The following SRMS variants were observed in gnomAD, a reference collection of about 807,000 sequenced individuals.
SRMS encodes the protein src-related kinase lacking C-terminal regulatory tyrosine and N-terminal myristylation sites, also known as tyrosine-protein kinase Srms.
In SRMS, 42 loss-of-function variants were observed where a neutral mutation model predicts 43.5. The observed-to-expected ratio is 0.97, with a 90% CI of 0.75 to 1.25. The LOEUF (loss-of-function observed/expected upper bound fraction) is 1.25. SRMS is among the 50% of genes most tolerant of loss of function. SRMS has a pLI of 0.00. For synonymous variants in SRMS, 316 were observed against 308.2 expected (o/e 1.03, Z -0.27); for missense variants, 703 against 681.0 (o/e 1.03, Z -0.36).
In SRMS at chr20:63,544,270, G is replaced by A. The variant is rs1024664346; in HGVS notation, c.435C>T (p.Leu145=). ...LSPPNEPGAF[L]IRPSESSLGG... Reference sequence around the variant, plus strand: ...CGAGGCTGCTCTCGCTGGGCCGGATGAGGAAGGCCCCTGGTTCGTTGGGTG... The same window carrying A: ...CGAGGCTGCTCTCGCTGGGCCGGATAAGGAAGGCCCCTGGTTCGTTGGGTG... Residue 145 remains leucine (L), a synonymous_variant, in exon 2 of 8, where the codon CTC becomes CTT. Transcript: ENST00000217188. The A allele has an allele frequency of 4.1e-6, 6 of 1,480,120 alleles. No homozygotes were observed. The highest frequency in any genetic ancestry group is 5.4e-6 in the Non-Finnish European group (6 of 1,116,340). The allele number at this position is 1,480,120 out of a possible 1,614,324, so 91.7% of individuals were successfully genotyped here.
rs371325763 is a variant in SRMS, at chr20:63,544,293, G to C, written c.412C>G (p.Pro138Ala). Residue 138 changes from proline to alanine, a missense_variant, in exon 2 of 8, where the codon CCC becomes GCC. Transcript: ENST00000217188. ...ATGAGGAAGGCCCCTGGTTCGTTGG[G>C]TGGGGAGAGGAGCAGCTGCTGTGCC... ...TQAQQLLLSP[P>A]NEPGAFLIRP... 1 of 1,484,102 alleles carries C rather than the reference G, an allele frequency of 6.7e-7. No homozygotes were observed. The allele number at this position is 1,484,102 out of a possible 1,614,324, so 91.9% of individuals were successfully genotyped here. A position where few individuals can be genotyped will look rare whatever the true frequency, so the allele number is the denominator to read the frequency against.
rs2082696199 is a variant in SRMS at position 63,540,379 on chromosome 20, C to G, written c.*439G>C. Among the ~76,000 whole-genome samples the G allele has an allele frequency of 6.6e-6, 1 of 152,174 alleles. No homozygotes were observed. The highest frequency in any genetic ancestry group is 6.5e-5 in the Admixed American group (1 of 15,280). On this transcript the variant is annotated 3_prime_UTR_variant, in exon 8 of 8. Coordinates refer to ENST00000217188, the MANE Select transcript of SRMS (RefSeq NM_080823.4). ...ACCCTGGGAGGGAGTCCAGGGGACCCAGGCAGGAGACACACAGGGCTCAGG... is the reference window on the plus strand; with the variant it reads ...ACCCTGGGAGGGAGTCCAGGGGACCGAGGCAGGAGACACACAGGGCTCAGG...
At chr20:63,544,192 TG>T in intron 2 of SRMS, 34 bp downstream of exon 2, 1 of 1,415,324 alleles carries the variant, frequency 7.1e-7, no homozygotes, top group Non-Finnish European at 9.2e-7. Context: ...ACTGACCTGG[TG>T]GGGGACAGAG....
chr20:63,540,744 C>G lies in SRMS; in HGVS notation c.*74G>C. The G allele has an allele frequency of 6.7e-7, 1 of 1,499,000 alleles. No homozygotes were observed. The highest frequency in any genetic ancestry group is 8.9e-7 in the Non-Finnish European group (1 of 1,125,900). The allele number at this position is 1,499,000 out of a possible 1,614,324, so 92.9% of individuals were successfully genotyped here. A position where few individuals can be genotyped will look rare whatever the true frequency, so the allele number is the denominator to read the frequency against. ...GCTCCTCGGTCCGGCAGACCGGCAT[C>G]CCTTCGAGTTGGCGCTCTGCAGGGA... On this transcript the variant is annotated 3_prime_UTR_variant, in exon 8 of 8. Transcript: ENST00000217188.
chr20:63,542,675 C>G (rs2082711633), intron 3 of SRMS, 94 bp from the exon 4 acceptor site: 2 of 1,419,366 alleles, frequency 1.4e-6, no homozygotes, highest in African/African-American at 2.9e-5. Context: ...GCGGGCACCC[C>G]TGTCCCCAGC....
intron 3 of SRMS, among the ~76,000 whole-genome samples, chr20:63,543,104 C>T (rs771660370): frequency 2.0e-5 from 3 of 152,226 alleles, no homozygotes; most frequent in Non-Finnish European, 4.4e-5. Flanking sequence ...CCCCCTAGGA[C>T]CCCAGGAATC....
intron 3 of SRMS, 117 bp from the exon 4 acceptor site, chr20:63,542,698 C>T (rs1444375017): frequency 1.5e-6 from 2 of 1,304,058 alleles, no homozygotes; most frequent in African/African-American, 1.5e-5. Flanking sequence ...ACACTCACCC[C>T]ACCCTGGCTG....
At chr20:63,541,653 C>A in intron 5 of SRMS, 33 bp from the exon 6 acceptor site, 2 of 1,470,952 alleles carry the variant, frequency 1.4e-6, no homozygotes, top group South Asian at 1.3e-5. Context: ...TTTTAGGGCA[C>A]GGGGCCAACG....
Position 63,540,960 on chromosome 20 carries a change from C to T in SRMS, c.1325G>A (p.Gly442Glu). Residue 442 changes from glycine to glutamate, a missense_variant, in exon 8 of 8, where the codon GGG (glycine) becomes GAG (glutamate). Coordinates refer to ENST00000217188, the MANE Select transcript of SRMS (RefSeq NM_080823.4). Reference protein sequence around the residue: ...NHETLQQIMRGYRLPRPAACP... With the variant: ...NHETLQQIMREYRLPRPAACP... ...GGCAGCCGGGCGCGGCAGCCGGTAC[C>T]CTCGCATGATCTGCTGCAGCGTCTC... The T allele has an allele frequency of 7.5e-6, 12 of 1,608,490 alleles. No homozygotes were observed. The highest frequency in any genetic ancestry group is 9.3e-6 in the Non-Finnish European group (11 of 1,179,564).
At position 63,543,479 on chromosome 20, in the gene SRMS, G is replaced by A. The variant is rs1015886693; in HGVS notation, c.480C>T (p.Val160=). ...AGTGGCAGACCTTGGCCTGGGCCCG[G>A]ACTAGGAAGGGTTCAGAGATGGAGA... ...ESSLGGYSLS[V]RAQAKVCHYR... The change falls in exon 3 of 8, where the codon GTC becomes GTT. Residue 160 remains valine, a splice_region_variant and synonymous_variant. Transcript: ENST00000217188. 4 of 1,612,606 alleles carry A rather than the reference G, an allele frequency of 2.5e-6. No individual in the cohort carries two copies. The highest frequency in any genetic ancestry group is 3.4e-6 in the Non-Finnish European group (4 of 1,179,828).
rs767027632 is a variant in SRMS, at chr20:63,543,377, G to T, written c.582C>A (p.Leu194=). ...GRLFPGLEEL[L]TYYKANWKLI... is the part of the protein sequence containing the mutation. Reference sequence around the variant, plus strand: ...GCTTCCAGTTGGCCTTGTAGTAGGTGAGCAGCTCCTCCAGGCCGGGAAAGA... The same window carrying T: ...GCTTCCAGTTGGCCTTGTAGTAGGTTAGCAGCTCCTCCAGGCCGGGAAAGA... The change falls in exon 3 of 8, where the codon CTC becomes CTA. Residue 194 remains leucine (L), a synonymous_variant. Transcript: ENST00000217188. The T allele has an allele frequency of 1.3e-5, 21 of 1,612,718 alleles. No homozygotes were observed. The highest frequency in any genetic ancestry group is 1.6e-5 in the Non-Finnish European group (19 of 1,179,974).
intron 2 of SRMS, chr20:63,543,695 C>T (rs146798183): frequency 4.0e-5 from 23 of 577,520 alleles, no homozygotes; most frequent in East Asian, 8.6e-5. Context: ...TTTCTGCTGA[C>T]GGTGTGCACA....
Position 63,544,684 on chromosome 20 carries a change from C to T in SRMS, c.357-336G>A, listed in dbSNP as rs184995919. Among the ~76,000 whole-genome samples the T allele has an allele frequency of 5.2e-5, 8 of 152,384 alleles. No individual in the cohort carries two copies. In the East Asian group the frequency reaches 9.6e-4, roughly 18 times the overall value. On this transcript the variant is annotated intron_variant, in intron 1 of 7. Coordinates refer to ENST00000217188, the MANE Select transcript of SRMS (RefSeq NM_080823.4). ...GCCATGGGCCATAGGCCTCCAAACT[C>T]GGCTTCGCTGAGCCCCTGCACAGAC...
chr20:63,540,737 C>T lies in SRMS; in HGVS notation c.*81G>A. On this transcript the variant is annotated 3_prime_UTR_variant, in exon 8 of 8. Coordinates refer to ENST00000217188, the MANE Select transcript of SRMS (RefSeq NM_080823.4). Reference sequence around the variant, plus strand: ...GCCAGAGGCTCCTCGGTCCGGCAGACCGGCATCCCTTCGAGTTGGCGCTCT... The same window carrying T: ...GCCAGAGGCTCCTCGGTCCGGCAGATCGGCATCCCTTCGAGTTGGCGCTCT... The T allele has an allele frequency of 6.7e-7, 1 of 1,486,638 alleles. No homozygotes were observed. The allele number at this position is 1,486,638 out of a possible 1,614,324, so 92.1% of individuals were successfully genotyped here. A position where few individuals can be genotyped will look rare whatever the true frequency, so the allele number is the denominator to read the frequency against.
At position 63,544,219 on chromosome 20, in the gene SRMS, C is replaced by T. The variant is rs763383008; in HGVS notation, c.478+8G>A. 8 of 1,443,010 alleles carry T rather than the reference C, an allele frequency of 5.5e-6. No individual in the cohort carries two copies. Among genetic ancestry groups the T allele is most frequent in the Non-Finnish European group, 7.3e-6 (8 of 1,097,022 alleles). 89.4% of individuals were successfully genotyped at this position (1,443,010 alleles called of 1,614,324 possible). ...GGGGACAGAGGCAGGAGGGGCCGCC[C>T]CAGGTACCTGACAGTGAGTAGCCCC... On this transcript the variant is annotated splice_region_variant and intron_variant, in intron 2 of 7. Coordinates refer to ENST00000217188, the MANE Select transcript of SRMS (RefSeq NM_080823.4).
Position 63,540,830 on chromosome 20 carries a change from T to G in SRMS, c.1455A>C (p.Arg485Ser), listed in dbSNP as rs1478178472. ...GTCACGTGAGGACTCAGGGGTGGCA[T>G]CTGTGGATGGCGTGCAGCTTCTCCC... ...TLREKLHAIH[R>S]CHP The change falls in exon 8 of 8, where the codon AGA becomes AGC. Residue 485 changes from arginine to serine, a missense_variant. Physicochemically the swap from Arg to Ser is moderately radical, Grantham distance 110. Transcript: ENST00000217188. 1.2e-6 allele frequency: 2 copies of G among 1,601,818 alleles called. No individual in the cohort carries two copies. Among genetic ancestry groups the G allele is most frequent in the Admixed American group, 3.3e-5 (2 of 59,780 alleles).
Position 63,542,326 on chromosome 20 carries a change from G to A in SRMS, c.788-5C>T, listed in dbSNP as rs368662174. 1.9e-5 allele frequency: 30 copies of A among 1,605,992 alleles called. No individual in the cohort carries two copies. The highest frequency in any genetic ancestry group is 1.6e-4 in the African/African-American group (12 of 74,826). On this transcript the variant is annotated splice_polypyrimidine_tract_variant and splice_region_variant and intron_variant, in intron 4 of 7. Coordinates refer to ENST00000217188, the MANE Select transcript of SRMS (RefSeq NM_080823.4). ...GGTCAGTGAGCTTCATGTTGGCTGC[G>A]AGAGAGGGTGTGGCTCCAGGACCGG...
rs1478457269 is a variant in SRMS, at chr20:63,547,575, G to C, written c.-112C>G. The C allele has an allele frequency of 1.9e-6, 2 of 1,035,004 alleles. No individual in the cohort carries two copies. Among genetic ancestry groups the C allele is most frequent in the East Asian group, 6.1e-5 (2 of 32,852 alleles). 64.1% of individuals were successfully genotyped at this position (1,035,004 alleles called of 1,614,324 possible). Reference sequence around the variant, plus strand: ...CCAGCGCTCCCTGCCCTGGCCGTGGGGTGACAGGGGACCCCGGCCCTGCGG... The same window carrying C: ...CCAGCGCTCCCTGCCCTGGCCGTGGCGTGACAGGGGACCCCGGCCCTGCGG... On this transcript the variant is annotated 5_prime_UTR_variant, in exon 1 of 8. Coordinates refer to ENST00000217188, the MANE Select transcript of SRMS (RefSeq NM_080823.4).
chr20:63,541,009 G>A lies in SRMS; in HGVS notation c.1286-10C>T, dbSNP rs749906601. 52 of 1,608,340 alleles carry A rather than the reference G, an allele frequency of 3.2e-5. No individual in the cohort carries two copies. Among genetic ancestry groups the A allele is most frequent in the Middle Eastern group, 1.7e-4 (1 of 6,034 alleles). On this transcript the variant is annotated splice_polypyrimidine_tract_variant and intron_variant, in intron 7 of 7. Transcript: ENST00000217188. ...TCGTGGTTGGTCATCCCTGGGAGGC[G>A]CGGGGCAAGAGCTGCCTCGATTCTG...
Sources: gnomAD v4.1 joint callset for allele counts (sites outside exome capture counted in the v4.1 genomes callset) on GRCh38, gnomAD v4.1.1 for gene constraint, MANE v1.5 for transcripts, NCBI Gene and HGNC (gene_info 2026-07-23, HGNC 2026-07-21) for gene names.